Variants in ZC3H13 observed in about 807,000 individuals in gnomAD.
ZC3H13 encodes zinc finger CCCH-type containing 13, also known as zinc finger CCCH domain-containing protein 13.
A neutral mutation model predicts 204.1 loss-of-function variants in ZC3H13; 64 were observed. The observed-to-expected ratio is 0.31, with a 90% CI of 0.26 to 0.39. The LOEUF is 0.39. Among genes scored for constraint, ZC3H13 ranks in the 10% least tolerant of loss-of-function variants. The pLI is 1.00. For missense variants in ZC3H13, 1,833 were observed against 2,082.7 expected (o/e 0.88, Z 2.33); for synonymous variants, 667 against 693.7 (o/e 0.96, Z 0.60).
intron 11 of ZC3H13, among the ~76,000 whole-genome samples, chr13:45,979,052 G>A (rs1243169351): frequency 6.6e-6 from 1 of 151,920 alleles, no homozygotes. Flanking sequence ...TCAATTCTCT[G>A]GGCCATCAAG....
chr13:45,968,510 C>G (rs759542852), intron 14 of ZC3H13, among the ~76,000 whole-genome samples: 2 of 152,082 alleles, frequency 1.3e-5, no homozygotes, highest in Non-Finnish European at 2.9e-5. Context: ...CCAAGACATA[C>G]TACTAAAATC....
intron 4 of ZC3H13, among the ~76,000 whole-genome samples, chr13:46,024,653 A>G (rs1272019607): frequency 1.3e-5 from 2 of 150,668 alleles, no homozygotes; most frequent in Non-Finnish European, 2.9e-5. Flanking sequence ...CACATCTCGT[A>G]TCTGTAGATT....
At chr13:46,029,551 C>G (rs887383533) in intron 4 of ZC3H13, among the ~76,000 whole-genome samples, 6 of 151,246 alleles carry the variant, frequency 4.0e-5, no homozygotes, top group African/African-American at 7.3e-5. Flanking sequence ...GCCTCAGCCT[C>G]CCGAGTAGCT....
At chr13:46,048,915 G>C (rs1017332284) in intron 1 of ZC3H13, among the ~76,000 whole-genome samples, 4 of 152,036 alleles carry the variant, frequency 2.6e-5, no homozygotes, top group African/African-American at 9.7e-5. Flanking sequence ...CGGATCACGA[G>C]GTCAAGAGAT....
At chr13:45,959,067 C>G (rs1211109197) in intron 18 of ZC3H13, among the ~76,000 whole-genome samples, 2 of 152,310 alleles carry the variant, frequency 1.3e-5, no homozygotes, top group South Asian at 2.1e-4. Flanking sequence ...ACTTCTCAAT[C>G]TCTTTATTCC....
At chr13:45,963,509 T>C (rs1256466645) in intron 17 of ZC3H13, 5 of 1,058,614 alleles carry the variant, frequency 4.7e-6, no homozygotes, top group Non-Finnish European at 3.4e-6. Context: ...GCAGCCTCAA[T>C]TTCCTGGGCT....
chr13:45,996,845 T>G (rs1439882259), intron 8 of ZC3H13, among the ~76,000 whole-genome samples: 2 of 150,406 alleles, frequency 1.3e-5, no homozygotes, highest in African/African-American at 2.4e-5. Flanking sequence ...AAATCTACAA[T>G]AAGAAGGAAT....
rs368043535 is a variant in ZC3H13, at chr13:45,970,474, G to T, written c.2469-9C>A. 6.2e-7 allele frequency: 1 copy of T among 1,606,854 alleles called. No individual in the cohort carries two copies. The highest frequency in any genetic ancestry group is 1.7e-5 in the Admixed American group (1 of 58,280). ...CATTTCTATAGCGCTTCCTAAATTGGACAAGCAAACACAATTTATAAAATT... is the reference window on the plus strand; with the variant it reads ...CATTTCTATAGCGCTTCCTAAATTGTACAAGCAAACACAATTTATAAAATT... On this transcript the variant is annotated splice_polypyrimidine_tract_variant and intron_variant, in intron 12 of 18. Coordinates refer to ENST00000679008, the MANE Select transcript of ZC3H13 (RefSeq NM_001330564.2).
intron 12 of ZC3H13, among the ~76,000 whole-genome samples, chr13:45,973,284 A>T (rs1215548516): frequency 1.3e-5 from 2 of 152,204 alleles, no homozygotes; most frequent in Admixed American, 6.5e-5. Flanking sequence ...AAGAGCAGTT[A>T]AAAAAAGTGC....
chr13:45,968,912 T>C lies in ZC3H13; in HGVS notation c.3632A>G (p.Asn1211Ser), dbSNP rs562402985. The change falls in exon 14 of 19, where the codon AAT (asparagine) becomes AGT (serine). Residue 1211 changes from asparagine (N) to serine (S), a missense_variant. By Grantham distance (46) the Asn-to-Ser change is conservative (BLOSUM62 1). Transcript: ENST00000679008. ...ATCTCCACTTCGATGGGCTGAATCA[T>C]TGGATGGGGAGCGAAGACGACCAGA... ...HTSGRLRSPS[N>S]DSAHRSGDDQ... is the part of the protein sequence containing the mutation. 2.5e-5 allele frequency: 40 copies of C among 1,614,180 alleles called. No homozygotes were observed. Among genetic ancestry groups the C allele is most frequent in the African/African-American group, 1.2e-4 (9 of 75,038 alleles).
chr13:45,969,395 T>C lies in ZC3H13; in HGVS notation c.3149A>G (p.Asn1050Ser), dbSNP rs1275324654. 1.2e-6 allele frequency: 2 copies of C among 1,614,018 alleles called. No individual in the cohort carries two copies. The highest frequency in any genetic ancestry group is 1.3e-5 in the African/African-American group (1 of 74,908). The stretch of plus-strand genomic sequence containing the variant: ...TTTCTGGGAGTCCTCTAGAATACCA[T>C]TCTTACCATTGCACATTTCAACCAA... ...EELVEMCNGKNGILEDSQKKE... is the reference protein window; with the variant it reads ...EELVEMCNGKSGILEDSQKKE... The change falls in exon 14 of 19, where the codon AAT becomes AGT. Residue 1050 changes from asparagine (N) to serine (S), a missense_variant. This residue lies in a region of ZC3H13 where 1,574 missense variants were observed against 1,757.2 expected (regional missense o/e 0.90). Transcript: ENST00000679008.
intron 18 of ZC3H13, among the ~76,000 whole-genome samples, chr13:45,958,268 C>T (rs1951412147): frequency 6.6e-6 from 1 of 152,148 alleles, no homozygotes; most frequent in Non-Finnish European, 1.5e-5. Context: ...TTTTCTTTAG[C>T]AATGTTATAT....
At chr13:46,005,176 T>C (rs543784395) in intron 7 of ZC3H13, among the ~76,000 whole-genome samples, 99 of 152,328 alleles carry the variant, frequency 6.5e-4, no homozygotes, top group Non-Finnish European at 1.3e-3. Flanking sequence ...AAAAAGATTT[T>C]CACTAAATCC....
At chr13:46,017,550 T>C (rs1172081965) in intron 5 of ZC3H13, among the ~76,000 whole-genome samples, 2 of 152,176 alleles carry the variant, frequency 1.3e-5, no homozygotes, top group African/African-American at 4.8e-5. Flanking sequence ...TAATGGATTT[T>C]TATATGTCAT....
chr13:46,012,171 C>T (rs2041609089), intron 5 of ZC3H13, among the ~76,000 whole-genome samples: 1 of 152,184 alleles, frequency 6.6e-6, no homozygotes, highest in South Asian at 2.1e-4. Flanking sequence ...TCCGTCTCAA[C>T]GGATCTGATG....
chr13:45,983,726 C>T (rs1215447865), intron 10 of ZC3H13, among the ~76,000 whole-genome samples: 2 of 151,966 alleles, frequency 1.3e-5, no homozygotes, highest in Non-Finnish European at 2.9e-5. Flanking sequence ...CGCGCCCGGC[C>T]CCTTCTACTT....
At chr13:45,975,243 G>A in intron 12 of ZC3H13, 40 bp downstream of exon 12, 1 of 1,568,336 alleles carries the variant, frequency 6.4e-7, no homozygotes, top group Non-Finnish European at 8.6e-7. Flanking sequence ...ATTCTTTCCT[G>A]AAATGTAAAA....
chr13:45,956,247 T>C lies in ZC3H13; in HGVS notation c.*880A>G, dbSNP rs919121433. Reference sequence around the variant, plus strand: ...CTCTTGATTTGCTTTGAGTAATTTTTTTCTTCAAAAGCCACATTCCAAGAA... The same window carrying C: ...CTCTTGATTTGCTTTGAGTAATTTTCTTCTTCAAAAGCCACATTCCAAGAA... On this transcript the variant is annotated 3_prime_UTR_variant, in exon 19 of 19. Coordinates refer to ENST00000679008, the MANE Select transcript of ZC3H13 (RefSeq NM_001330564.2). The C allele has an allele frequency of 1.3e-5, 2 of 152,174 alleles. No individual in the cohort carries two copies. The highest frequency in any genetic ancestry group is 2.9e-5 in the Non-Finnish European group (2 of 68,002). The allele number at this position is 152,174 out of a possible 1,614,324, so 9.4% of individuals were successfully genotyped here.
intron 18 of ZC3H13, among the ~76,000 whole-genome samples, chr13:45,958,816 G>A (rs975323782): frequency 2.6e-5 from 4 of 151,826 alleles, no homozygotes; most frequent in African/African-American, 2.4e-5. Context: ...CACCATGCCC[G>A]GCTAATTTTT....
Sources: gnomAD v4.1 joint callset for allele counts (sites outside exome capture counted in the v4.1 genomes callset) on GRCh38, gnomAD v4.1.1 for gene constraint, gnomAD v4.1.1 regional missense constraint, MANE v1.5 for transcripts, NCBI Gene and HGNC (gene_info 2026-07-23, HGNC 2026-07-21) for gene names.